NUDT3: variants seen among roughly 807,000 people sequenced by gnomAD.
NUDT3 encodes the protein diphosphoinositol polyphosphate phosphohydrolase 1.
A neutral mutation model predicts 23.6 loss-of-function variants in NUDT3; 9 were observed. The observed-to-expected ratio is 0.38, with a 90% CI of 0.23 to 0.66. The LOEUF (loss-of-function observed/expected upper bound fraction) is 0.66, where lower values mean the gene tolerates loss of function less well. NUDT3 is among the 30% of genes least tolerant of loss of function. The pLI, the probability that NUDT3 is intolerant of heterozygous loss-of-function variation, is 0.52. For missense variants in NUDT3, 172 were observed against 218.5 expected (o/e 0.79, Z 1.34); for synonymous variants, 86 against 82.6 (o/e 1.04, Z -0.22).
intron 2 of NUDT3, among the ~76,000 whole-genome samples, chr6:34,329,356 C>T (rs1764091679): frequency 6.6e-6 from 1 of 152,208 alleles, no homozygotes. Context: ...TCTCAGCTCA[C>T]TGCAACTTCC....
chr6:34,381,591 T>C (rs897904512), intron 1 of NUDT3, among the ~76,000 whole-genome samples: 1 of 151,992 alleles, frequency 6.6e-6, no homozygotes, highest in African/African-American at 2.4e-5. Context: ...ATATTGGCAA[T>C]AAAATCTAAA....
chr6:34,327,035 G>T (rs185838867), intron 2 of NUDT3, among the ~76,000 whole-genome samples: 2 of 151,954 alleles, frequency 1.3e-5, no homozygotes, highest in South Asian at 4.2e-4. Flanking sequence ...CGCGGAGACC[G>T]GTAGTGGCCC....
intron 1 of NUDT3, among the ~76,000 whole-genome samples, chr6:34,364,485 A>G (rs760658367): frequency 3.3e-5 from 5 of 152,196 alleles, no homozygotes; most frequent in Non-Finnish European, 1.5e-5. Context: ...AAACTAAACA[A>G]TGGCCTGCCA....
chr6:34,344,007 T>G (rs536063499), intron 1 of NUDT3, among the ~76,000 whole-genome samples: 2 of 152,262 alleles, frequency 1.3e-5, no homozygotes, highest in East Asian at 1.9e-4. Context: ...CCCACTAGGA[T>G]AGCTATAATT....
chr6:34,381,474 T>C (rs959838400), intron 1 of NUDT3, among the ~76,000 whole-genome samples: 1 of 151,592 alleles, frequency 6.6e-6, no homozygotes, highest in Non-Finnish European at 1.5e-5. Flanking sequence ...CCATACACCC[T>C]GGCAGAAGGA....
chr6:34,380,400 T>C (rs1764994706), intron 1 of NUDT3, among the ~76,000 whole-genome samples: 1 of 152,144 alleles, frequency 6.6e-6, no homozygotes, highest in Non-Finnish European at 1.5e-5. Flanking sequence ...TCACCCAGGT[T>C]GGAGTACAGT....
intron 2 of NUDT3, among the ~76,000 whole-genome samples, chr6:34,313,609 A>G (rs1763808914): frequency 1.3e-5 from 2 of 151,890 alleles, no homozygotes; most frequent in Non-Finnish European, 2.9e-5. Context: ...GTCGGTGGGT[A>G]TATGGGAACT....
chr6:34,336,771 A>G (rs1764215505), intron 2 of NUDT3, among the ~76,000 whole-genome samples: 1 of 152,256 alleles, frequency 6.6e-6, no homozygotes, highest in African/African-American at 2.4e-5. Context: ...AAAAAAAATC[A>G]AATATATTAA....
At chr6:34,343,541 C>CA (rs35748626) in intron 1 of NUDT3, among the ~76,000 whole-genome samples, 16,161 of 141,754 alleles carry the variant, frequency 0.11, 1,536 homozygotes, top group East Asian at 0.44. Context: ...ACCCCCATCT[C>CA]AAAAAAAAAA....
rs139223366 is a variant in NUDT3, at chr6:34,297,491, G to A, written c.211-1806C>T. Among the ~76,000 whole-genome samples the A allele has an allele frequency of 5.3e-5, 8 of 151,508 alleles. No homozygotes were observed. The East Asian group carries it at 1.6e-3, about 30-fold the overall frequency. ...TGCCACAAGCCTCCACTGAGGGTCT[G>A]GAAGGAGAGCTGTTGGGGCAGATGA... is the stretch of plus-strand genomic sequence containing the variant. On this transcript the variant is annotated intron_variant, in intron 2 of 4. Coordinates refer to ENST00000607016, the MANE Select transcript of NUDT3 (RefSeq NM_006703.4).
At chr6:34,343,531 A>AC (rs896828954) in intron 1 of NUDT3, among the ~76,000 whole-genome samples, 1 of 146,436 alleles carries the variant, frequency 6.8e-6, no homozygotes, top group Non-Finnish European at 1.5e-5. Context: ...ACAGAGTGAG[A>AC]CCCCCATCTC....
At chr6:34,390,301 A>G (rs1765177010) in intron 1 of NUDT3, among the ~76,000 whole-genome samples, 1 of 151,686 alleles carries the variant, frequency 6.6e-6, no homozygotes, top group Non-Finnish European at 1.5e-5. Flanking sequence ...CTCAAAAAAA[A>G]AAAAGAAAAA....
Position 34,280,609 on chromosome 6 carries a change from A to G in NUDT3, c.*8144T>C, listed in dbSNP as rs749873970. 4 of 152,122 alleles carry G rather than the reference A, an allele frequency of 2.6e-5. No homozygotes were observed. The highest frequency in any genetic ancestry group is 9.7e-5 in the African/African-American group (4 of 41,412). 9.4% of individuals were successfully genotyped at this position (152,122 alleles called of 1,614,324 possible). ...AATGACACAGCCTCTTGGTTATTCC[A>G]TTTTCTATCCCTTTCTACAATTATG... is the stretch of plus-strand genomic sequence containing the variant. On this transcript the variant is annotated 3_prime_UTR_variant, in exon 5 of 5. Transcript: ENST00000607016.
At chr6:34,329,639 A>G (rs1244530970) in intron 2 of NUDT3, among the ~76,000 whole-genome samples, 2 of 152,156 alleles carry the variant, frequency 1.3e-5, no homozygotes, top group Non-Finnish European at 2.9e-5. Context: ...TAGGATGAGA[A>G]GATACTTAAA....
intron 2 of NUDT3, among the ~76,000 whole-genome samples, chr6:34,308,249 GA>G (rs1763714512): frequency 7.0e-6 from 1 of 142,402 alleles, no homozygotes; most frequent in Non-Finnish European, 1.5e-5. Context: ...CTTGAGCCTA[GA>G]AATTTGAGAT....
intron 2 of NUDT3, among the ~76,000 whole-genome samples, chr6:34,335,715 T>TA (rs201954004): frequency 0.07 from 10,075 of 143,732 alleles, 560 homozygotes; most frequent in African/African-American, 0.16. Flanking sequence ...CAGGAGTTTG[T>TA]AAAAAAAAAA....
chr6:34,360,682 G>A (rs1481216273), intron 1 of NUDT3, among the ~76,000 whole-genome samples: 1 of 152,004 alleles, frequency 6.6e-6, no homozygotes, highest in African/African-American at 2.4e-5. Context: ...CTCGCCCTCC[G>A]CCACAGACAC....
intron 1 of NUDT3, among the ~76,000 whole-genome samples, chr6:34,379,640 G>C (rs2113766419): frequency 6.6e-6 from 1 of 152,086 alleles, no homozygotes; most frequent in East Asian, 1.9e-4. Context: ...CGAATTCCTG[G>C]CCTCAAGTGA....
At chr6:34,375,676 T>C (rs1206767801) in intron 1 of NUDT3, among the ~76,000 whole-genome samples, 7 of 152,240 alleles carry the variant, frequency 4.6e-5, no homozygotes, top group Non-Finnish European at 1.0e-4. Context: ...CATGTCAATA[T>C]AACTCAGACT....
Sources: gnomAD v4.1 joint callset for allele counts (sites outside exome capture counted in the v4.1 genomes callset) on GRCh38, gnomAD v4.1.1 for gene constraint, MANE v1.5 for transcripts, NCBI Gene and HGNC (gene_info 2026-07-23, HGNC 2026-07-21) for gene names.